The following CORO2B variants were observed in gnomAD, a reference collection of about 807,000 sequenced individuals.
CORO2B encodes coronin 2B, also known as coronin-2B.
A neutral mutation model predicts 58.8 loss-of-function variants in CORO2B; 26 were observed. The observed-to-expected ratio is 0.44, with a 90% CI of 0.32 to 0.61. CORO2B has a LOEUF of 0.61. Among genes scored for constraint, CORO2B ranks in the 20% least tolerant of loss-of-function variants. CORO2B has a pLI of 0.04. For missense variants in CORO2B, 460 were observed against 645.1 expected, an observed-to-expected ratio of 0.71 and a Z score of 3.11; for synonymous variants, 242 against 253.8, an observed-to-expected ratio of 0.95 and a Z score of 0.44.
At chr15:68,715,488 C>T (rs1211583525) in intron 8 of CORO2B, among the ~76,000 whole-genome samples, 177 bp downstream of exon 8, 2 of 152,244 alleles carry the variant, frequency 1.3e-5, no homozygotes, top group African/African-American at 2.4e-5. Flanking sequence ...CCCACTGGAC[C>T]GGCGCTGTCA....
chr15:68,611,165 G>C lies in CORO2B; in HGVS notation c.15+31888G>C, dbSNP rs534976399. On this transcript the variant is annotated intron_variant, in intron 1 of 11. Coordinates refer to ENST00000261861, the MANE Select transcript of CORO2B (RefSeq NM_006091.5). Reference sequence around the variant, plus strand: ...GCATGTTGGAGATGATGGAAAAGAAGAATGCAGAGTCTGGAGTAACACGCT... The same window carrying C: ...GCATGTTGGAGATGATGGAAAAGAACAATGCAGAGTCTGGAGTAACACGCT... Among the ~76,000 whole-genome samples the C allele has an allele frequency of 9.2e-5, 14 of 152,306 alleles. 1 individual carries two copies. The South Asian group carries it at 2.9e-3, about 32-fold the overall frequency.
chr15:68,579,202 G>A lies in CORO2B; in HGVS notation c.-61G>A, dbSNP rs1022264919. ...CGGACCCCCTTCCGCCGCCGCCCCG[G>A]GCCGCCGCCGCCGCCCCCGCACGCC... On this transcript the variant is annotated 5_prime_UTR_variant, in exon 1 of 12. Transcript: ENST00000261861. 7 of 993,806 alleles carry A rather than the reference G, an allele frequency of 7.0e-6. No homozygotes were observed. The highest frequency in any genetic ancestry group is 8.4e-6 in the Non-Finnish European group (7 of 836,226). The allele number at this position is 993,806 out of a possible 1,614,324, so 61.6% of individuals were successfully genotyped here.
At chr15:68,667,304 G>A (rs1242917592) in intron 2 of CORO2B, among the ~76,000 whole-genome samples, 1 of 152,142 alleles carries the variant, frequency 6.6e-6, no homozygotes, top group Non-Finnish European at 1.5e-5. Flanking sequence ...GAAGCCACCT[G>A]GAGCCATCCT....
At chr15:68,609,175 A>G (rs1232517752) in intron 1 of CORO2B, among the ~76,000 whole-genome samples, 1 of 152,136 alleles carries the variant, frequency 6.6e-6, no homozygotes, top group Non-Finnish European at 1.5e-5. Context: ...GGAGAGGGAA[A>G]AGGATTGCAG....
chr15:68,540,359 C>A, the CORO2B span, among the ~76,000 whole-genome samples: 3 of 152,318 alleles, frequency 2.0e-5, no homozygotes, highest in East Asian at 5.8e-4. Context: ...TTCCAAAATT[C>A]TAATTTGCAC....
the CORO2B span, among the ~76,000 whole-genome samples, chr15:68,520,396 T>C: frequency 6.6e-6 from 1 of 152,238 alleles, no homozygotes; most frequent in Non-Finnish European, 1.5e-5. Flanking sequence ...ATAGTGATTT[T>C]TGTTTATTTC....
chr15:68,541,484 G>T, the CORO2B span, among the ~76,000 whole-genome samples: 4 of 152,100 alleles, frequency 2.6e-5, no homozygotes, highest in Non-Finnish European at 2.9e-5. Flanking sequence ...TGGGGGAGTT[G>T]GATCATCATA....
chr15:68,569,855 C>T, the CORO2B span, among the ~76,000 whole-genome samples: 1 of 152,320 alleles, frequency 6.6e-6, no homozygotes, highest in East Asian at 1.9e-4. Context: ...AACCGAGGTG[C>T]AGAGAGTGAA....
chr15:68,563,858 T>A, the CORO2B span, among the ~76,000 whole-genome samples: 4 of 152,166 alleles, frequency 2.6e-5, no homozygotes, highest in African/African-American at 9.6e-5. Context: ...ATAAAGAGAT[T>A]CAGTAAATAA....
At chr15:68,559,035 A>C in the CORO2B span, among the ~76,000 whole-genome samples, 1 of 152,102 alleles carries the variant, frequency 6.6e-6, no homozygotes, top group African/African-American at 2.4e-5. The surrounding 1 kb of genome is among the most constrained non-coding windows in gnomAD (Gnocchi z 4.3). Context: ...ATATGTTCGG[A>C]GATCCTACCA....
chr15:68,709,685 CT>C (rs1567016983), intron 3 of CORO2B, among the ~76,000 whole-genome samples: 1 of 151,894 alleles, frequency 6.6e-6, no homozygotes, highest in Non-Finnish European at 1.5e-5. Context: ...GATTCTTTTT[CT>C]TTTTTTGTTT....
the CORO2B span, among the ~76,000 whole-genome samples, chr15:68,540,877 A>G: frequency 1.3e-5 from 2 of 152,188 alleles, no homozygotes; most frequent in African/African-American, 4.8e-5. Context: ...CTTCTGTACC[A>G]TCAGTACACA....
intron 8 of CORO2B, among the ~76,000 whole-genome samples, chr15:68,717,449 C>T (rs545124785): frequency 2.0e-5 from 3 of 152,160 alleles, no homozygotes; most frequent in South Asian, 2.1e-4. Flanking sequence ...AGAAGGAAGA[C>T]GGGGAGAACA....
rs187663822 is a variant in CORO2B, at chr15:68,710,605, G to A, written c.334-127G>A. 816 of 1,148,108 alleles carry A rather than the reference G, an allele frequency of 7.1e-4. 10 individuals carry two copies. In the African/African-American group the frequency reaches 0.011, roughly 16 times the overall value. 71.1% of individuals were successfully genotyped at this position (1,148,108 alleles called of 1,614,324 possible). Reference sequence around the variant, plus strand: ...AGGCCTCAGTCGAGCTTTGCCCATCGCCTCAAGCCAGGAGGTGGCTCATCA... The same window carrying A: ...AGGCCTCAGTCGAGCTTTGCCCATCACCTCAAGCCAGGAGGTGGCTCATCA... On this transcript the variant is annotated intron_variant, in intron 3 of 11. Transcript: ENST00000261861. The surrounding 1 kb of genome is among the most constrained non-coding windows in gnomAD (Gnocchi z 4.1).
chr15:68,603,826 C>T (rs1453291340), intron 1 of CORO2B, among the ~76,000 whole-genome samples: 1 of 152,176 alleles, frequency 6.6e-6, no homozygotes, highest in Non-Finnish European at 1.5e-5. Context: ...TGTTTAAGCC[C>T]CCAGCCTGTG....
At chr15:68,706,446 ACCCCAC>A (rs1892787835) in intron 3 of CORO2B, among the ~76,000 whole-genome samples, 1 of 151,838 alleles carries the variant, frequency 6.6e-6, no homozygotes, top group East Asian at 1.9e-4. Context: ...TCAACACCAC[ACCCCAC>A]TGGCTCATAG....
rs114326634 is a variant in CORO2B at position 68,664,814 on chromosome 15, C to T, written c.216+19454C>T. On this transcript the variant is annotated intron_variant, in intron 2 of 11. Coordinates refer to ENST00000261861, the MANE Select transcript of CORO2B (RefSeq NM_006091.5). ...TATGCTTACAATCTATTTGCATTTC[C>T]TTTTTGTGTGAATTGTCTGTCCATA... Among the ~76,000 whole-genome samples the T allele has an allele frequency of 3.2e-3, 491 of 152,116 alleles. 1 individual carries two copies. The highest frequency in any genetic ancestry group is 0.011 in the African/African-American group (467 of 41,488).
At chr15:68,560,139 TG>T in the CORO2B span, among the ~76,000 whole-genome samples, 1,315 of 152,284 alleles carry the variant, frequency 8.6e-3, 22 homozygotes, top group African/African-American at 0.03. Flanking sequence ...GGGGGCTGCC[TG>T]GGAAGATCCG....
At chr15:68,703,150 CTTTTTT>C (rs57404468) in intron 3 of CORO2B, among the ~76,000 whole-genome samples, 3 of 100,144 alleles carry the variant, frequency 3.0e-5, no homozygotes, top group Admixed American at 1.1e-4. Context: ...TTCTTTTTTT[CTTTTTT>C]TTTTTTTTTT....
Sources: gnomAD v4.1 joint callset for allele counts (sites outside exome capture counted in the v4.1 genomes callset) on GRCh38, gnomAD v4.1.1 for gene constraint, Gnocchi (gnomAD v3.1) non-coding constraint, MANE v1.5 for transcripts, NCBI Gene and HGNC (gene_info 2026-07-23, HGNC 2026-07-21) for gene names.